SRL: variants seen among roughly 807,000 people sequenced by gnomAD.
SRL encodes sarcalumenin.
SRL carries 23 observed loss-of-function variants against 39.5 expected under a neutral mutation model. The observed-to-expected ratio is 0.58, with a 90% CI of 0.42 to 0.82. The LOEUF is 0.82. SRL is among the 40% of genes least tolerant of loss of function. SRL has a pLI of 0.00. For synonymous variants in SRL, 272 were observed against 237.4 expected, an observed-to-expected ratio of 1.15 and a Z score of -1.34; for missense variants, 592 against 607.8, an observed-to-expected ratio of 0.97 and a Z score of 0.27.
chr16:4,227,051 A>AATGGATGG (rs543919384), intron 1 of SRL, among the ~76,000 whole-genome samples: 5,325 of 53,244 alleles, frequency 0.1, 345 homozygotes, highest in African/African-American at 0.23. Flanking sequence ...TGGATGGATG[A>AATGGATGG]ATGGATGGAT....
chr16:4,203,312 C>A (rs1300992120), intron 2 of SRL, 51 bp from the exon 3 acceptor site: 1 of 1,520,892 alleles, frequency 6.6e-7, no homozygotes, highest in Non-Finnish European at 9.1e-7. Flanking sequence ...GCGATCCAGG[C>A]AGCTCCTCCA....
Position 4,207,830 on chromosome 16 carries a change from G to A in SRL, c.62-3196C>T, listed in dbSNP as rs373896880. On this transcript the variant is annotated intron_variant, in intron 1 of 5. Coordinates refer to ENST00000399609, the MANE Select transcript of SRL (RefSeq NM_001098814.2). ...CCCCAGGCCCCGCAGCGTCCCTGTCGTCCCTTTCCCCAGGTGGAGGTGACT... is the reference window on the plus strand; with the variant it reads ...CCCCAGGCCCCGCAGCGTCCCTGTCATCCCTTTCCCCAGGTGGAGGTGACT... 691 of 456,534 alleles carry A rather than the reference G, an allele frequency of 1.5e-3. 18 individuals carry two copies. The highest frequency in any genetic ancestry group is 9.6e-3 in the South Asian group (621 of 64,552). The allele number at this position is 456,534 out of a possible 1,614,324, so 28.3% of individuals were successfully genotyped here.
At chr16:4,238,623 C>CTTTTTT in intron 1 of SRL, among the ~76,000 whole-genome samples, 1 of 143,790 alleles carries the variant, frequency 7.0e-6, no homozygotes, top group African/African-American at 2.5e-5. Flanking sequence ...CCCGGTGCCA[C>CTTTTTT]TTTTTTTTTT....
intron 1 of SRL, among the ~76,000 whole-genome samples, chr16:4,235,943 G>A (rs930985440): frequency 1.1e-4 from 17 of 151,712 alleles, no homozygotes; most frequent in Admixed American, 2.6e-4. Flanking sequence ...AAAATTAGCC[G>A]GGCATAGTGT....
chr16:4,221,945 T>A (rs1296028544), intron 1 of SRL, among the ~76,000 whole-genome samples: 2 of 152,210 alleles, frequency 1.3e-5, no homozygotes, highest in Admixed American at 6.5e-5. Flanking sequence ...CATATTGGAT[T>A]TATGGCCAGC....
chr16:4,210,005 G>A (rs1413065415), intron 1 of SRL, among the ~76,000 whole-genome samples: 1 of 152,158 alleles, frequency 6.6e-6, no homozygotes, highest in African/African-American at 2.4e-5. Context: ...TCAGGCTCAA[G>A]CTCCGTACTG....
At chr16:4,208,799 T>C (rs1000162756) in intron 1 of SRL, among the ~76,000 whole-genome samples, 1 of 152,018 alleles carries the variant, frequency 6.6e-6, no homozygotes, top group Non-Finnish European at 1.5e-5. Context: ...GAGGAGGAGA[T>C]ATCTAAAACA....
At chr16:4,224,315 C>T (rs569814775) in intron 1 of SRL, among the ~76,000 whole-genome samples, 5 of 152,202 alleles carry the variant, frequency 3.3e-5, no homozygotes, top group South Asian at 2.1e-4. Context: ...AGTGCCTTCA[C>T]CCCACTACTA....
intron 1 of SRL, among the ~76,000 whole-genome samples, chr16:4,230,242 G>C (rs1458702490): frequency 6.6e-6 from 1 of 152,122 alleles, no homozygotes; most frequent in Admixed American, 6.5e-5. Context: ...GCCAGGGGGG[G>C]CAACCCATGA....
At chr16:4,202,851 A>G (rs1364496474) in intron 3 of SRL, among the ~76,000 whole-genome samples, 1 of 152,198 alleles carries the variant, frequency 6.6e-6, no homozygotes, top group Non-Finnish European at 1.5e-5. Flanking sequence ...AGGGATTGAA[A>G]TAGGCATCAT....
rs545540106 is a variant in SRL, at chr16:4,231,911, T to C, written c.61+10096A>G. On this transcript the variant is annotated intron_variant, in intron 1 of 5. Transcript: ENST00000399609. The stretch of plus-strand genomic sequence containing the variant: ...GCATCCGATAGCCATTTTCTTATTA[T>C]AGTCACGAAACAGCCCCATGCTGGA... 2.0e-5 allele frequency among the ~76,000 whole-genome samples: 3 copies of C among 152,224 alleles called. No individual in the cohort carries two copies. The South Asian group carries it at 6.2e-4, about 32-fold the overall frequency.
chr16:4,227,476 A>G (rs79525044), intron 1 of SRL, among the ~76,000 whole-genome samples: 34,817 of 150,794 alleles, frequency 0.23, 4,673 homozygotes, highest in Admixed American at 0.32. Flanking sequence ...TGATGGGTGG[A>G]TGAATGGATA....
At chr16:4,232,006 C>T (rs746851488) in intron 1 of SRL, among the ~76,000 whole-genome samples, 3 of 152,174 alleles carry the variant, frequency 2.0e-5, no homozygotes, top group Non-Finnish European at 2.9e-5. Context: ...AGGGACTTGG[C>T]GGCTGATTTG....
At chr16:4,223,404 A>G (rs372075977) in intron 1 of SRL, among the ~76,000 whole-genome samples, 3 of 151,824 alleles carry the variant, frequency 2.0e-5, no homozygotes, top group East Asian at 3.9e-4. Context: ...AAGATACAGA[A>G]TCTTGCTCTG....
intron 1 of SRL, among the ~76,000 whole-genome samples, chr16:4,220,583 C>T (rs921432388): frequency 1.3e-5 from 2 of 152,206 alleles, no homozygotes; most frequent in African/African-American, 4.8e-5. Flanking sequence ...TCCATCCCGC[C>T]CCTCAGGCCG....
chr16:4,228,019 G>T (rs1027746959), intron 1 of SRL, among the ~76,000 whole-genome samples: 6 of 152,236 alleles, frequency 3.9e-5, no homozygotes, highest in Non-Finnish European at 7.3e-5. Flanking sequence ...CCAGCCAGGT[G>T]TGTGGGGACA....
At chr16:4,237,446 A>T (rs1035685713) in intron 1 of SRL, among the ~76,000 whole-genome samples, 2 of 151,046 alleles carry the variant, frequency 1.3e-5, no homozygotes, top group African/African-American at 4.9e-5. Flanking sequence ...CCAGGTCCAC[A>T]CTCCCTCACC....
intron 1 of SRL, chr16:4,208,090 C>T (rs11646632): frequency 0.046 from 20,790 of 452,574 alleles, 657 homozygotes; most frequent in South Asian, 0.061. Context: ...CCACCCGACG[C>T]GGAGACTTGC....
At position 4,192,387 on chromosome 16, in the gene SRL, G is replaced by C; in HGVS notation, c.1188C>G (p.Pro396=). ...AKTNVSKFDL[P]NREAYKDFFG... ...AGAAGTCCTTATAGGCCTCGCGGTT[G>C]GGAAGGTCAAATTTGCTGACATTGG... Residue 396 remains proline (P), a synonymous_variant, in exon 6 of 6, where the codon CCC becomes CCG. Transcript: ENST00000399609. This position sits in a 1 kb window ranked among gnomAD's most constrained non-coding sequence, Gnocchi z 4.0. The C allele has an allele frequency of 6.2e-7, 1 of 1,614,170 alleles. No individual in the cohort carries two copies. Among genetic ancestry groups the C allele is most frequent in the South Asian group, 1.1e-5 (1 of 91,086 alleles).
Sources: allele counts gnomAD v4.1 joint callset (sites outside exome capture counted in the v4.1 genomes callset), GRCh38; gene constraint gnomAD v4.1.1; non-coding constraint Gnocchi (gnomAD v3.1); transcripts MANE v1.5; gene names NCBI Gene and HGNC (gene_info 2026-07-23, HGNC 2026-07-21).